The following ME1 variants were observed in gnomAD, a reference collection of about 807,000 sequenced individuals.
ME1 encodes the protein malic enzyme 1, also known as NADP-dependent malic enzyme.
ME1 carries 74 observed loss-of-function variants against 66.4 expected under a neutral mutation model. The ratio of observed to expected loss-of-function variants is 1.11; its 90% CI spans 0.92 to 1.35. The LOEUF is 1.35. Ranked by LOEUF, ME1 falls within the 40% of genes most tolerant of loss-of-function variation. ME1 has a pLI of 0.00. For synonymous variants in ME1, 251 were observed against 235.6 expected, an observed-to-expected ratio of 1.07 and a Z score of -0.60; for missense variants, 750 against 694.1, an observed-to-expected ratio of 1.08 and a Z score of -0.90.
chr6:83,240,624 AC>A (rs1337814034), intron 7 of ME1, among the ~76,000 whole-genome samples: 1 of 152,032 alleles, frequency 6.6e-6, no homozygotes. Context: ...GTAACATTCT[AC>A]CTATAATGTT....
chr6:83,379,218 T>G lies in ME1; in HGVS notation c.362+19149A>C, dbSNP rs544924977. ...ACTGCAAGATAAGTCACAAGCTAAA[T>G]TTGGTAAAGAAATAATCTTTGCAAA... is the stretch of plus-strand genomic sequence containing the variant. On this transcript the variant is annotated intron_variant, in intron 3 of 13. Coordinates refer to ENST00000369705, the MANE Select transcript of ME1 (RefSeq NM_002395.6). Among the ~76,000 whole-genome samples the G allele has an allele frequency of 2.6e-5, 4 of 152,194 alleles. No individual in the cohort carries two copies. The South Asian group carries it at 8.3e-4, about 32-fold the overall frequency.
chr6:83,349,005 A>C (rs1490573265), intron 4 of ME1, among the ~76,000 whole-genome samples: 1 of 148,410 alleles, frequency 6.7e-6, no homozygotes, highest in African/African-American at 2.5e-5. Flanking sequence ...AAAAAAACAA[A>C]AAACAAAAAA....
At chr6:83,349,009 C>CAAA (rs1562487163) in intron 4 of ME1, among the ~76,000 whole-genome samples, 11 of 124,914 alleles carry the variant, frequency 8.8e-5, no homozygotes, top group African/African-American at 2.9e-4. Flanking sequence ...AAACAAAAAA[C>CAAA]AAAAAACAGT....
At chr6:83,227,943 A>G (rs570584575) in intron 10 of ME1, among the ~76,000 whole-genome samples, 4 of 152,366 alleles carry the variant, frequency 2.6e-5, no homozygotes, top group African/African-American at 9.6e-5. Context: ...TAAAGCAATT[A>G]GCATAATGGA....
chr6:83,229,388 CTCAG>C (rs1336365996), intron 9 of ME1, among the ~76,000 whole-genome samples: 1 of 152,068 alleles, frequency 6.6e-6, no homozygotes, highest in Non-Finnish European at 1.5e-5. Context: ...GTTAGATTTT[CTCAG>C]TAAGTATGCA....
chr6:83,298,612 T>C (rs1205157351), intron 6 of ME1, among the ~76,000 whole-genome samples: 1 of 152,198 alleles, frequency 6.6e-6, no homozygotes, highest in African/African-American at 2.4e-5. Context: ...GCAATTGCTT[T>C]TCATGTTTCT....
intron 6 of ME1, among the ~76,000 whole-genome samples, chr6:83,289,764 G>A (rs1475252980): frequency 3.3e-5 from 5 of 152,034 alleles, no homozygotes; most frequent in Non-Finnish European, 7.4e-5. Context: ...TCTGGTCCTC[G>A]ACTTTTTTTG....
At position 83,297,323 on chromosome 6, in the gene ME1, T is replaced by C. The variant is rs568181616; in HGVS notation, c.704+17987A>G. 1.2e-4 allele frequency among the ~76,000 whole-genome samples: 19 copies of C among 152,098 alleles called. No homozygotes were observed. The South Asian group carries it at 3.3e-3, about 27-fold the overall frequency. ...GGAAATCAGAGACAACACAAACAAA[T>C]AGAAAAACATTCCATGCCCATGAAG... On this transcript the variant is annotated intron_variant, in intron 6 of 13. Transcript: ENST00000369705.
At chr6:83,238,799 A>ATAAATATATATATAT (rs1554263094) in intron 8 of ME1, among the ~76,000 whole-genome samples, 2 of 139,290 alleles carry the variant, frequency 1.4e-5, no homozygotes, top group Non-Finnish European at 3.1e-5. Flanking sequence ...TTTCTTGAAA[A>ATAAATATATATATAT]ATATATATAT....
intron 6 of ME1, among the ~76,000 whole-genome samples, chr6:83,257,195 AAAAAAATAAAT>A (rs912135907): frequency 2.6e-5 from 4 of 151,720 alleles, no homozygotes; most frequent in Non-Finnish European, 5.9e-5. Context: ...GTATAATAAT[AAAAAAATAAAT>A]AAAAAATAAA....
At chr6:83,253,175 T>A (rs1790753047) in intron 7 of ME1, among the ~76,000 whole-genome samples, 1 of 152,074 alleles carries the variant, frequency 6.6e-6, no homozygotes, top group African/African-American at 2.4e-5. Flanking sequence ...GGAAAAAATT[T>A]GGCAGCTTAG....
chr6:83,358,704 T>TTTTTTCC (rs1449029576), intron 3 of ME1, among the ~76,000 whole-genome samples: 2 of 152,132 alleles, frequency 1.3e-5, no homozygotes, highest in East Asian at 3.9e-4. Context: ...TGATGAACTC[T>TTTTTTCC]TTTTTCCAGA....
At chr6:83,330,934 T>C (rs1768394892) in intron 5 of ME1, among the ~76,000 whole-genome samples, 1 of 152,156 alleles carries the variant, frequency 6.6e-6, no homozygotes, top group African/African-American at 2.4e-5. Flanking sequence ...GCTTTACTAA[T>C]GATGACTGGT....
chr6:83,280,399 T>G (rs1309292130), intron 6 of ME1, among the ~76,000 whole-genome samples: 2 of 152,190 alleles, frequency 1.3e-5, no homozygotes, highest in African/African-American at 2.4e-5. Context: ...AGCAGCATAC[T>G]ATTATTTAAA....
At chr6:83,392,712 C>T (rs1583414380) in intron 3 of ME1, 5 of 622,068 alleles carry the variant, frequency 8.0e-6, no homozygotes, top group Non-Finnish European at 1.5e-5. Context: ...TGGAGTTCAC[C>T]AGCATCTTCA....
intron 6 of ME1, among the ~76,000 whole-genome samples, chr6:83,284,818 C>T (rs1767366047): frequency 6.6e-6 from 1 of 152,192 alleles, no homozygotes; most frequent in South Asian, 2.1e-4. Context: ...CTCCCCACTC[C>T]TATCCAACAT....
intron 3 of ME1, among the ~76,000 whole-genome samples, chr6:83,388,178 C>A (rs1460972202): frequency 6.8e-6 from 1 of 147,246 alleles, no homozygotes; most frequent in African/African-American, 2.5e-5. Context: ...TCCTCAACAT[C>A]CCAGGCTCAA....
chr6:83,233,917 A>G (rs1790347281), intron 9 of ME1, among the ~76,000 whole-genome samples: 1 of 152,020 alleles, frequency 6.6e-6, no homozygotes, highest in South Asian at 2.1e-4. Context: ...AAAAAGTGAA[A>G]CTTAATATGT....
intron 1 of ME1, among the ~76,000 whole-genome samples, chr6:83,410,585 T>C (rs949774919): frequency 1.3e-5 from 2 of 152,078 alleles, no homozygotes; most frequent in Non-Finnish European, 2.9e-5. Context: ...GATTTTTATC[T>C]AACTAGAAAA....
Sources: gnomAD v4.1 joint callset for allele counts (sites outside exome capture counted in the v4.1 genomes callset) on GRCh38, gnomAD v4.1.1 for gene constraint, MANE v1.5 for transcripts, NCBI Gene and HGNC (gene_info 2026-07-23, HGNC 2026-07-21) for gene names.